The following PUDP variants were observed in gnomAD, a reference collection of about 807,000 sequenced individuals.
PUDP encodes the protein pseudouridine-5'-phosphatase.
Under a neutral mutation model 9.4 loss-of-function variants are expected in PUDP, and 8 were observed. The observed-to-expected ratio is 0.85, with a 90% CI of 0.50 to 1.53. The LOEUF (loss-of-function observed/expected upper bound fraction) is 1.53, where lower values mean the gene tolerates loss of function less well. PUDP is among the 40% of genes most tolerant of loss of function. The pLI is 0.00. For missense variants in PUDP, 188 were observed against 189.7 expected (o/e 0.99, Z 0.05); for synonymous variants, 99 against 80.7 (o/e 1.23, Z -1.22).
At chrX:6,757,809 G>A (rs1366012806) in intron 3 of PUDP, among the ~76,000 whole-genome samples, 3 of 112,180 alleles carry the variant, frequency 2.7e-5, no homozygotes, top group South Asian at 3.7e-4. Flanking sequence ...GCAATATGTC[G>A]TGAAATGTTG....
chrX:7,007,332 C>A (rs1482065796), intron 1 of PUDP, among the ~76,000 whole-genome samples: 2 of 111,928 alleles, frequency 1.8e-5, no homozygotes, highest in Non-Finnish European at 3.8e-5. Flanking sequence ...AGATGACTGA[C>A]AAATGTTAAG....
intron 3 of PUDP, among the ~76,000 whole-genome samples, chrX:6,959,790 A>G (rs1928681083): frequency 8.9e-6 from 1 of 112,875 alleles, no homozygotes; most frequent in African/African-American, 3.2e-5. Flanking sequence ...TCAAGGCCCA[A>G]CTTCCACCCC....
Position 6,890,917 on chromosome X carries a change from G to T in PUDP, c.*247+86216C>A, listed in dbSNP as rs920615680. On this transcript the variant is annotated intron_variant and NMD_transcript_variant, in intron 3 of 3. Coordinates refer to the PUDP transcript ENST00000655425. ...AGATCAAGACCATCCTGGGGCACAT[G>T]ATGAGGCCTCATCTCTCCAAAAAAA... is the stretch of plus-strand genomic sequence containing the variant. Among the ~76,000 whole-genome samples the T allele has an allele frequency of 5.2e-5, 4 of 77,329 alleles. No homozygotes were observed. The Admixed American group carries it at 7.2e-4, about 14-fold the overall frequency. 67.2% of individuals were successfully genotyped at this position (77,329 alleles called of 115,157 possible). A position where few individuals can be genotyped will look rare whatever the true frequency, so the allele number is the denominator to read the frequency against.
chrX:6,895,560 T>G (rs982808098), intron 3 of PUDP, among the ~76,000 whole-genome samples: 2 of 110,133 alleles, frequency 1.8e-5, no homozygotes, highest in Non-Finnish European at 3.8e-5. Context: ...CCTACCACCT[T>G]GATATATAAG....
At chrX:6,743,346 C>T (rs912539187) in intron 3 of PUDP, among the ~76,000 whole-genome samples, 2 of 111,671 alleles carry the variant, frequency 1.8e-5, no homozygotes, top group Admixed American at 9.5e-5. Context: ...TCCATTGCTA[C>T]AGGCTAACAT....
chrX:6,948,413 G>C (rs1448082298), intron 3 of PUDP, among the ~76,000 whole-genome samples: 1 of 111,705 alleles, frequency 9.0e-6, no homozygotes, highest in African/African-American at 3.3e-5. Flanking sequence ...GGTCTCTTTT[G>C]CTCGCTTCCC....
At chrX:6,734,035 C>T (rs762117059) in intron 3 of PUDP, among the ~76,000 whole-genome samples, 1 of 110,798 alleles carries the variant, frequency 9.0e-6, no homozygotes, top group East Asian at 2.9e-4. Context: ...ACCTTGGCCT[C>T]CCAAAGTGTT....
intron 1 of PUDP, among the ~76,000 whole-genome samples, chrX:7,113,804 G>A (rs750847674): frequency 4.1e-4 from 46 of 112,465 alleles, no homozygotes; most frequent in African/African-American, 1.2e-3. Flanking sequence ...TCAGTATGAA[G>A]TGAGATGCTG....
intron 3 of PUDP, among the ~76,000 whole-genome samples, chrX:6,751,265 C>G (rs184146468): frequency 8.9e-6 from 1 of 112,059 alleles, no homozygotes; most frequent in Admixed American, 9.4e-5. Context: ...ATACTACGTT[C>G]TTTATATGTT....
chrX:6,964,650 G>A (rs187008265), intron 3 of PUDP, among the ~76,000 whole-genome samples: 14 of 110,492 alleles, frequency 1.3e-4, no homozygotes, highest in African/African-American at 4.6e-4. Context: ...CTCCAGCCTG[G>A]GCGACAAAGC....
chrX:7,067,217 T>G (rs969526221), intron 3 of PUDP, among the ~76,000 whole-genome samples: 2 of 112,301 alleles, frequency 1.8e-5, no homozygotes, highest in African/African-American at 3.2e-5. Flanking sequence ...AAGGGCCTCA[T>G]GCCTCTAATT....
chrX:7,141,098 CTAAT>C (rs1443895056), intron 1 of PUDP, among the ~76,000 whole-genome samples: 3 of 111,738 alleles, frequency 2.7e-5, no homozygotes, highest in Non-Finnish European at 5.6e-5. Context: ...TGAAATCAGG[CTAAT>C]TAATAACCCT....
At position 6,751,181 on chromosome X, in the gene PUDP, A is replaced by AAAAG. The variant is rs753977935; in HGVS notation, c.*248-44719_*248-44716dup. On this transcript the variant is annotated intron_variant and NMD_transcript_variant, in intron 3 of 3. Coordinates refer to the PUDP transcript ENST00000655425. ...AAGAAAAAAGAAAGAAAGAAAGAAA[A>AAAAG]AAAGAAAGAAAGAAAGAAAGAAAAA... Among the ~76,000 whole-genome samples, 995 of 110,118 alleles carry AAAAG rather than the reference A, an allele frequency of 9.0e-3. 13 individuals are homozygous for AAAAG. The highest frequency in any genetic ancestry group is 0.031 in the African/African-American group (932 of 30,362).
At chrX:6,728,132 A>G (rs1924764615) in intron 3 of PUDP, among the ~76,000 whole-genome samples, 1 of 111,090 alleles carries the variant, frequency 9.0e-6, no homozygotes, top group African/African-American at 3.3e-5. Context: ...ACAAGAGAGA[A>G]TGAGAACCAA....
chrX:7,130,693 C>T (rs1383057709), intron 1 of PUDP, among the ~76,000 whole-genome samples: 1 of 109,976 alleles, frequency 9.1e-6, no homozygotes, highest in East Asian at 2.9e-4. Context: ...CGAGACCAGC[C>T]TGGGCAACAT....
intron 3 of PUDP, among the ~76,000 whole-genome samples, chrX:6,761,970 G>T (rs1925233015): frequency 8.9e-6 from 1 of 111,853 alleles, no homozygotes; most frequent in Admixed American, 9.5e-5. Flanking sequence ...AGGGTGGATG[G>T]CTTTGAGGCC....
intron 3 of PUDP, among the ~76,000 whole-genome samples, chrX:6,792,274 G>A: frequency 9.1e-6 from 1 of 110,136 alleles, no homozygotes. Flanking sequence ...AAGCTGAAAC[G>A]TATGTACCCC....
chrX:6,720,111 TAC>T (rs982166116), intron 1 of PUDP, among the ~76,000 whole-genome samples: 2 of 106,129 alleles, frequency 1.9e-5, no homozygotes, highest in African/African-American at 6.8e-5. Context: ...CATACATATA[TAC>T]ATTTATTCAT....
chrX:6,789,439 G>A (rs991002805), intron 3 of PUDP, among the ~76,000 whole-genome samples: 1 of 110,569 alleles, frequency 9.0e-6, no homozygotes, highest in Non-Finnish European at 1.9e-5. Context: ...TCTTGAGAAG[G>A]AATTTGCATT....
Sources: allele counts gnomAD v4.1 joint callset (sites outside exome capture counted in the v4.1 genomes callset), GRCh38; gene constraint gnomAD v4.1.1; transcripts MANE v1.5; gene names NCBI Gene and HGNC (gene_info 2026-07-23, HGNC 2026-07-21).